The following TMEM39B variants were observed in gnomAD, a reference collection of about 807,000 sequenced individuals.
TMEM39B encodes the protein transmembrane protein 39B.
A neutral mutation model predicts 52.2 loss-of-function variants in TMEM39B; 23 were observed. The ratio of observed to expected loss-of-function variants is 0.44; its 90% CI spans 0.32 to 0.62. The LOEUF is 0.62. Ranked by LOEUF, TMEM39B falls within the 20% of genes least tolerant of loss-of-function variation. The pLI is 0.06. For missense variants in TMEM39B, 547 were observed against 642.0 expected (o/e 0.85, Z 1.60); for synonymous variants, 285 against 264.0 (o/e 1.08, Z -0.77).
chr1:32,090,035 A>C (rs1262683501), intron 5 of TMEM39B, among the ~76,000 whole-genome samples: 1 of 151,740 alleles, frequency 6.6e-6, no homozygotes, highest in Non-Finnish European at 1.5e-5. Context: ...TCTCAAAAAA[A>C]AAGAAAAGAA....
At chr1:32,073,757 A>G (rs1001493409) in intron 1 of TMEM39B, 2 of 985,210 alleles carry the variant, frequency 2.0e-6, no homozygotes, top group African/African-American at 3.5e-5. Flanking sequence ...GAGGTTTATA[A>G]TTTTGGGCAT....
chr1:32,080,799 A>G (rs1367638108), intron 5 of TMEM39B, among the ~76,000 whole-genome samples: 1 of 152,050 alleles, frequency 6.6e-6, no homozygotes, highest in African/African-American at 2.4e-5. Flanking sequence ...TCATTATTTA[A>G]TTTAAAAATG....
intron 5 of TMEM39B, among the ~76,000 whole-genome samples, chr1:32,090,267 ACAT>A (rs1461666294): frequency 6.6e-6 from 1 of 152,132 alleles, no homozygotes; most frequent in African/African-American, 2.4e-5. Flanking sequence ...GCAGCCACAC[ACAT>A]AATTAGCTCC....
rs1639796803 is a variant in TMEM39B, at chr1:32,075,085, A to G, written c.131+8A>G. On this transcript the variant is annotated splice_region_variant and intron_variant, in intron 2 of 8. Coordinates refer to ENST00000336294, the MANE Select transcript of TMEM39B (RefSeq NM_018056.4). The stretch of plus-strand genomic sequence containing the variant: ...TGTTCGTTCCCGCACCAGGTAAACC[A>G]CCTCTCTGTCTCACCCCTCACTGTG... 6.5e-7 allele frequency: 1 copy of G among 1,547,266 alleles called. No individual in the cohort carries two copies. Among genetic ancestry groups the G allele is most frequent in the African/African-American group, 1.4e-5 (1 of 72,948 alleles).
In TMEM39B at chr1:32,075,877, T is replaced by C. The variant is rs960527532; in HGVS notation, c.351+55T>C. On this transcript the variant is annotated intron_variant, in intron 3 of 8. Transcript: ENST00000336294. ...GTGTGTGTGTGTGCGTGTGTGTGTA[T>C]GTGTGTGTGTGTTTCTTTTGGTTTC... 60 of 1,043,066 alleles carry C rather than the reference T, an allele frequency of 5.8e-5. No individual in the cohort carries two copies. In the Middle Eastern group the frequency reaches 1.0e-3, roughly 17 times the overall value. 64.6% of individuals were successfully genotyped at this position (1,043,066 alleles called of 1,614,324 possible). A position where few individuals can be genotyped will look rare whatever the true frequency, so the allele number is the denominator to read the frequency against.
chr1:32,083,146 G>A (rs1483579280), intron 5 of TMEM39B, among the ~76,000 whole-genome samples: 4 of 140,564 alleles, frequency 2.8e-5, no homozygotes, highest in African/African-American at 5.4e-5. Context: ...GTGCAATGGC[G>A]CCATCTCTGC....
Position 32,075,807 on chromosome 1 carries a change from C to T in TMEM39B, c.336C>T (p.Pro112=), listed in dbSNP as rs45546636. The change falls in exon 3 of 9, where the codon CCC becomes CCT. Residue 112 remains proline (P), a synonymous_variant. Transcript: ENST00000336294. The part of the protein sequence containing the change: ...TVWWYPPSHP[P]SHTSLNFHLI... ...GGTGGTATCCACCTTCCCACCCACC[C>T]TCCCACACCTCCCTGGTAGGTACCC... 4 of 1,513,998 alleles carry T rather than the reference C, an allele frequency of 2.6e-6. No individual in the cohort carries two copies. The highest frequency in any genetic ancestry group is 2.2e-4 in the Middle Eastern group (1 of 4,502). The allele number at this position is 1,513,998 out of a possible 1,614,324, so 93.8% of individuals were successfully genotyped here.
At chr1:32,086,237 C>T (rs1481309445) in intron 5 of TMEM39B, among the ~76,000 whole-genome samples, 1 of 152,050 alleles carries the variant, frequency 6.6e-6, no homozygotes, top group Non-Finnish European at 1.5e-5. Context: ...ACCTGCTCCC[C>T]ACTTCATCTT....
chr1:32,084,138 G>C (rs138784801), intron 5 of TMEM39B, among the ~76,000 whole-genome samples: 103 of 151,988 alleles, frequency 6.8e-4, no homozygotes, highest in Non-Finnish European at 1.2e-3. Flanking sequence ...TATTTTTCTT[G>C]GACTTTCTAA....
chr1:32,089,897 C>T (rs900010634), intron 5 of TMEM39B, among the ~76,000 whole-genome samples: 3 of 151,632 alleles, frequency 2.0e-5, no homozygotes, highest in South Asian at 2.1e-4. Context: ...GGCATGATGG[C>T]GGGTGCCTGT....
upstream of TMEM39B, chr1:32,072,898 C>G: frequency 9.3e-7 from 1 of 1,076,458 alleles, no homozygotes; most frequent in Non-Finnish European, 1.3e-6. Flanking sequence ...TTCCAGCCCG[C>G]CTTGTATGCA....
intron 1 of TMEM39B, among the ~76,000 whole-genome samples, chr1:32,074,173 T>C (rs1177856447): frequency 6.6e-6 from 1 of 152,012 alleles, no homozygotes; most frequent in Non-Finnish European, 1.5e-5. Context: ...GCCACAGGAT[T>C]CTCCCAGCCA....
At chr1:32,086,088 A>AT (rs1375608254) in intron 5 of TMEM39B, among the ~76,000 whole-genome samples, 1 of 152,140 alleles carries the variant, frequency 6.6e-6, no homozygotes, top group East Asian at 1.9e-4. Context: ...AGATATCGCC[A>AT]TTAGAGACCT....
intron 1 of TMEM39B, among the ~76,000 whole-genome samples, chr1:32,074,368 C>A (rs892496034): frequency 6.6e-6 from 1 of 152,050 alleles, no homozygotes; most frequent in Non-Finnish European, 1.5e-5. Context: ...GACCCAGCCA[C>A]GATACTGTGA....
chr1:32,094,633 C>T lies in TMEM39B; in HGVS notation c.928-151C>T, dbSNP rs112098695. The stretch of plus-strand genomic sequence containing the variant: ...CAACTAGTGGGCACAGGGCCTAAGC[C>T]TTGTTTGTTGGGTGTTTGATTCTTG... On this transcript the variant is annotated intron_variant, in intron 6 of 8. Transcript: ENST00000336294. The T allele has an allele frequency of 9.1e-6, 8 of 874,544 alleles. No individual in the cohort carries two copies. In the African/African-American group the frequency reaches 1.0e-4, roughly 11 times the overall value. The allele number at this position is 874,544 out of a possible 1,614,324, so 54.2% of individuals were successfully genotyped here.
chr1:32,076,990 C>A, intron 4 of TMEM39B, 144 bp downstream of exon 4: 1 of 1,268,714 alleles, frequency 7.9e-7, no homozygotes, highest in Non-Finnish European at 1.1e-6. Flanking sequence ...TAGTTACATC[C>A]CATCTTGGAG....
intron 2 of TMEM39B, 66 bp downstream of exon 2, chr1:32,075,143 C>G: frequency 7.4e-6 from 11 of 1,487,524 alleles, no homozygotes; most frequent in Non-Finnish European, 9.9e-6. Context: ...AGGGCTCTCT[C>G]TGACTGGATT....
rs1165126876 is a variant in TMEM39B at position 32,074,911 on chromosome 1, C to A, written c.5-40C>A. On this transcript the variant is annotated intron_variant, in intron 1 of 8. Coordinates refer to ENST00000336294, the MANE Select transcript of TMEM39B (RefSeq NM_018056.4). ...TCATTGCTGTTATCCTTGATATATG[C>A]CCCCTGGCTTGAGGCTCTATTTTAT... 2.0e-6 allele frequency: 3 copies of A among 1,529,222 alleles called. No homozygotes were observed. In the South Asian group the frequency reaches 3.7e-5, roughly 19 times the overall value. 94.7% of individuals were successfully genotyped at this position (1,529,222 alleles called of 1,614,324 possible).
At chr1:32,099,189 C>T (rs1205341853) in intron 7 of TMEM39B, among the ~76,000 whole-genome samples, 4 of 150,842 alleles carry the variant, frequency 2.7e-5, no homozygotes, top group African/African-American at 4.9e-5. Flanking sequence ...GTGAGCCGAG[C>T]GCCACTGCAC....
Sources: allele counts gnomAD v4.1 joint callset (sites outside exome capture counted in the v4.1 genomes callset), GRCh38; gene constraint gnomAD v4.1.1; transcripts MANE v1.5; gene names NCBI Gene and HGNC (gene_info 2026-07-23, HGNC 2026-07-21).